The following PLCE1 variants were observed in gnomAD, a reference collection of about 807,000 sequenced individuals.
PLCE1 encodes 1-phosphatidylinositol 4,5-bisphosphate phosphodiesterase epsilon-1.
Under a neutral mutation model 242.8 loss-of-function variants are expected in PLCE1, and 119 were observed. The ratio of observed to expected loss-of-function variants is 0.49; its 90% CI spans 0.42 to 0.57. The LOEUF (loss-of-function observed/expected upper bound fraction) is 0.57. PLCE1 is among the 20% of genes least tolerant of loss of function. PLCE1 has a pLI of 0.00. For synonymous variants in PLCE1, 945 were observed against 1,017.4 expected (o/e 0.93, Z 1.35); for missense variants, 2,441 against 2,788.8 (o/e 0.88, Z 2.81).
chr10:94,192,440 A>G (rs1156563402), intron 4 of PLCE1, among the ~76,000 whole-genome samples: 2 of 152,182 alleles, frequency 1.3e-5, no homozygotes, highest in Non-Finnish European at 2.9e-5. Context: ...GAGAACATGC[A>G]GTATTTGGTT....
chr10:94,216,715 T>C (rs956127238), intron 4 of PLCE1, among the ~76,000 whole-genome samples: 3 of 152,024 alleles, frequency 2.0e-5, no homozygotes, highest in African/African-American at 7.2e-5. Flanking sequence ...ACTTAAAATT[T>C]TAGATACATG....
intron 2 of PLCE1, among the ~76,000 whole-genome samples, chr10:94,077,191 G>T (rs1007961016): frequency 1.3e-5 from 2 of 152,228 alleles, no homozygotes; most frequent in African/African-American, 4.8e-5. Context: ...GTTGGGGGCA[G>T]TTTGGCCCCC....
Position 94,203,761 on chromosome 10 carries a change from A to G in PLCE1, c.1810-23545A>G, listed in dbSNP as rs187531217. The stretch of plus-strand genomic sequence containing the variant: ...CTTGTGCATTGATGATGATGAAGAG[A>G]AGAGCAAACAGGCCACAGACCTGGC... On this transcript the variant is annotated intron_variant, in intron 4 of 32. Transcript: ENST00000371380. Among the ~76,000 whole-genome samples, 33 of 152,334 alleles carry G rather than the reference A, an allele frequency of 2.2e-4. No homozygotes were observed. In the East Asian group the frequency reaches 5.8e-3, roughly 27 times the overall value.
chr10:93,999,221 C>T (rs775107945), intron 1 of PLCE1, among the ~76,000 whole-genome samples: 4 of 152,196 alleles, frequency 2.6e-5, no homozygotes, highest in Non-Finnish European at 5.9e-5. Flanking sequence ...GTAAGAGCTT[C>T]GTACTAGGTA....
intron 7 of PLCE1, among the ~76,000 whole-genome samples, chr10:94,240,232 A>G (rs185899132): frequency 6.6e-6 from 1 of 152,352 alleles, no homozygotes; most frequent in East Asian, 1.9e-4. Flanking sequence ...AGACAACAAT[A>G]ACATTAGCAA....
At chr10:94,169,912 C>T (rs780330109) in intron 3 of PLCE1, among the ~76,000 whole-genome samples, 3 of 152,160 alleles carry the variant, frequency 2.0e-5, no homozygotes, top group Non-Finnish European at 4.4e-5. Context: ...ATCTAAAATG[C>T]TTATCGTAGC....
chr10:94,005,165 T>C (rs1038342415), intron 1 of PLCE1, among the ~76,000 whole-genome samples: 1 of 152,184 alleles, frequency 6.6e-6, no homozygotes, highest in African/African-American at 2.4e-5. Flanking sequence ...CTGCTGGGAC[T>C]GAGGTAGCAC....
chr10:94,053,404 C>T (rs1316542127), intron 2 of PLCE1, among the ~76,000 whole-genome samples: 2 of 152,174 alleles, frequency 1.3e-5, no homozygotes, highest in Non-Finnish European at 2.9e-5. Flanking sequence ...CAGGAATGTG[C>T]TCTTTATGTC....
chr10:94,225,985 C>T (rs2049924915), intron 4 of PLCE1, among the ~76,000 whole-genome samples: 1 of 152,176 alleles, frequency 6.6e-6, no homozygotes, highest in African/African-American at 2.4e-5. Flanking sequence ...CTGAACCAAG[C>T]GGAGCTTGTA....
intron 1 of PLCE1, among the ~76,000 whole-genome samples, chr10:94,026,277 C>T (rs950182537): frequency 6.6e-6 from 1 of 152,180 alleles, no homozygotes; most frequent in African/African-American, 2.4e-5. Context: ...GACTTCCTGG[C>T]CAGTCATTTC....
chr10:94,065,012 G>C (rs577978106), intron 2 of PLCE1, among the ~76,000 whole-genome samples: 4 of 152,144 alleles, frequency 2.6e-5, no homozygotes, highest in African/African-American at 9.7e-5. Context: ...TTTAGTCCTA[G>C]CCTCTGTTTC....
chr10:94,105,482 C>T (rs749367973), intron 2 of PLCE1: 4 of 152,290 alleles, frequency 2.6e-5, no homozygotes, highest in Non-Finnish European at 5.9e-5. Flanking sequence ...TAGCGCCTCC[C>T]CATCGTCCTG....
At chr10:94,231,454 C>T (rs1333520715) in intron 5 of PLCE1, among the ~76,000 whole-genome samples, 1 of 152,186 alleles carries the variant, frequency 6.6e-6, no homozygotes, top group East Asian at 1.9e-4. Context: ...AAGCTTCCAA[C>T]TAGCTCTCCC....
intron 2 of PLCE1, chr10:94,106,271 A>G (rs2045730151): frequency 6.6e-6 from 1 of 152,246 alleles, no homozygotes. Flanking sequence ...CATAATTTTA[A>G]AACCAAAATT....
intron 2 of PLCE1, among the ~76,000 whole-genome samples, chr10:94,059,628 G>A (rs946815102): frequency 6.6e-5 from 10 of 152,200 alleles, no homozygotes; most frequent in African/African-American, 1.9e-4. Context: ...CATGGGAAGT[G>A]GGACTGAGAA....
At chr10:94,081,067 A>G (rs1471389230) in intron 2 of PLCE1, among the ~76,000 whole-genome samples, 6 of 152,274 alleles carry the variant, frequency 3.9e-5, no homozygotes, top group African/African-American at 1.4e-4. Flanking sequence ...TGTTATCTCA[A>G]TCTTGTTTTT....
At chr10:94,091,117 G>T (rs914242363) in intron 2 of PLCE1, among the ~76,000 whole-genome samples, 7 of 152,066 alleles carry the variant, frequency 4.6e-5, no homozygotes, top group African/African-American at 1.7e-4. Context: ...CTGTCATTTT[G>T]GAGAGAGGGA....
intron 22 of PLCE1, among the ~76,000 whole-genome samples, chr10:94,289,358 G>C (rs1325957860): frequency 6.6e-6 from 1 of 152,146 alleles, no homozygotes; most frequent in Non-Finnish European, 1.5e-5. Context: ...CCAATATGTT[G>C]AATCCTCTGA....
intron 4 of PLCE1, among the ~76,000 whole-genome samples, chr10:94,180,236 T>C (rs945914442): frequency 2.6e-5 from 4 of 152,124 alleles, no homozygotes; most frequent in African/African-American, 9.7e-5. Flanking sequence ...GGATTCAGAA[T>C]TTTTTTATGA....
Sources: gnomAD v4.1 joint callset for allele counts (sites outside exome capture counted in the v4.1 genomes callset) on GRCh38, gnomAD v4.1.1 for gene constraint, MANE v1.5 for transcripts, NCBI Gene and HGNC (gene_info 2026-07-23, HGNC 2026-07-21) for gene names.